Variants in CLTA observed in about 807,000 individuals in gnomAD.
CLTA encodes the protein clathrin light chain A.
CLTA carries 9 observed loss-of-function variants against 26.9 expected under a neutral mutation model. The ratio of observed to expected loss-of-function variants is 0.33; its 90% CI spans 0.20 to 0.58. The LOEUF is 0.58. Ranked by LOEUF, CLTA falls within the 20% of genes least tolerant of loss-of-function variation. The pLI is 0.85. For synonymous variants in CLTA, 120 were observed against 115.5 expected, an observed-to-expected ratio of 1.04 and a Z score of -0.25; for missense variants, 278 against 294.2, an observed-to-expected ratio of 0.94 and a Z score of 0.40.
chr9:36,197,997 CTTT>C (rs11308341), intron 2 of CLTA, among the ~76,000 whole-genome samples: 30 of 104,228 alleles, frequency 2.9e-4, no homozygotes, highest in African/African-American at 6.8e-4. Flanking sequence ...TTATTTGAGT[CTTT>C]TTTTTTTTTT....
chr9:36,211,730 C>T lies in CLTA; in HGVS notation c.613C>T (p.Arg205Cys), dbSNP rs1299155706. ...GCAGGCCAAAGATGTCTCCCGCATG[C>T]GCTCAGTCCTCATCTCCCTCAAGCA... ...SKQAKDVSRM[R>C]SVLISLKQAP... is the part of the protein sequence containing the mutation. The change falls in exon 5 of 5, where the codon CGC becomes TGC. Residue 205 changes from arginine (R) to cysteine (C), a missense_variant. Transcript: ENST00000345519. The T allele has an allele frequency of 3.1e-6, 5 of 1,613,882 alleles. No individual in the cohort carries two copies. The highest frequency in any genetic ancestry group is 1.3e-5 in the African/African-American group (1 of 74,906).
chr9:36,209,502 C>T (rs1827918061), intron 4 of CLTA, among the ~76,000 whole-genome samples: 1 of 152,168 alleles, frequency 6.6e-6, no homozygotes, highest in Non-Finnish European at 1.5e-5. Flanking sequence ...AGATTTGTGA[C>T]TCCCTGCATC....
intron 3 of CLTA, among the ~76,000 whole-genome samples, chr9:36,201,545 C>A (rs968043173): frequency 4.6e-5 from 7 of 152,020 alleles, no homozygotes; most frequent in Non-Finnish European, 1.0e-4. Context: ...CAGGAGGTCA[C>A]CATTTTTATT....
intron 1 of CLTA, among the ~76,000 whole-genome samples, chr9:36,195,694 C>T (rs748885915): frequency 5.3e-5 from 8 of 152,164 alleles, no homozygotes; most frequent in Non-Finnish European, 1.2e-4. Context: ...GGGCCAGGTG[C>T]GGTGGCTCAC....
chr9:36,205,727 G>A (rs923799589), intron 4 of CLTA, among the ~76,000 whole-genome samples: 36 of 148,132 alleles, frequency 2.4e-4, no homozygotes, highest in African/African-American at 6.5e-4. Flanking sequence ...TACAGAATCC[G>A]TTGTTCTCAG....
intron 3 of CLTA, 29 bp downstream of exon 3, chr9:36,199,125 C>CT: frequency 7.0e-7 from 1 of 1,429,052 alleles, no homozygotes; most frequent in Non-Finnish European, 9.9e-7. Flanking sequence ...GTTTTGGTGT[C>CT]TGTTTTCAGT....
At chr9:36,203,010 T>C (rs937207555) in intron 3 of CLTA, among the ~76,000 whole-genome samples, 11 of 152,144 alleles carry the variant, frequency 7.2e-5, no homozygotes, top group African/African-American at 2.7e-4. Context: ...TTTTTGTATT[T>C]TTAGTAGAGA....
At chr9:36,210,583 C>G (rs760665781) in intron 4 of CLTA, 2 of 1,613,926 alleles carry the variant, frequency 1.2e-6, no homozygotes, top group Non-Finnish European at 8.5e-7. Context: ...CTATATCTGA[C>G]TTAAAGTTTC....
intron 4 of CLTA, among the ~76,000 whole-genome samples, chr9:36,208,735 C>T (rs1213334150): frequency 6.6e-6 from 1 of 152,132 alleles, no homozygotes; most frequent in African/African-American, 2.4e-5. Context: ...AGGAAGGTGG[C>T]GTGGCTTTCT....
intron 4 of CLTA, among the ~76,000 whole-genome samples, chr9:36,207,146 C>T (rs1470764360): frequency 6.6e-6 from 1 of 152,204 alleles, no homozygotes; most frequent in Non-Finnish European, 1.5e-5. Context: ...CCTGGCACTG[C>T]ACTGGGGGTG....
Sources: gnomAD v4.1 joint callset for allele counts (sites outside exome capture counted in the v4.1 genomes callset) on GRCh38, gnomAD v4.1.1 for gene constraint, MANE v1.5 for transcripts, NCBI Gene and HGNC (gene_info 2026-07-23, HGNC 2026-07-21) for gene names.